Variants in SUCLG2 observed in about 807,000 individuals in gnomAD.
SUCLG2 encodes the protein succinate--CoA ligase [GDP-forming] subunit beta, mitochondrial.
In SUCLG2, 42 loss-of-function variants were observed where a neutral mutation model predicts 47.9. That is an observed-to-expected ratio of 0.88 (90% CI 0.69 to 1.14). The LOEUF (loss-of-function observed/expected upper bound fraction) is 1.14. Among genes scored for constraint, SUCLG2 ranks in the 50% most tolerant of loss-of-function variants. The probability of loss-of-function intolerance (pLI) is 0.00; values close to 1 mark genes in which losing one functional copy is unlikely to be tolerated. For synonymous variants in SUCLG2, 195 were observed against 197.3 expected (o/e 0.99, Z 0.10); for missense variants, 571 against 525.9 (o/e 1.09, Z -0.84).
Position 67,602,729 on chromosome 3 carries a change from G to A in SUCLG2, c.226+6726C>T, listed in dbSNP as rs562708741. Among the ~76,000 whole-genome samples the A allele has an allele frequency of 3.3e-5, 5 of 152,208 alleles. No individual in the cohort carries two copies. In the East Asian group the frequency reaches 7.7e-4, roughly 23 times the overall value. On this transcript the variant is annotated intron_variant, in intron 2 of 10. Transcript: ENST00000307227. The stretch of plus-strand genomic sequence containing the variant: ...GCTCCTTTAAGGAGCATTTGCAAGC[G>A]AGCATGAGCAAGTGAACATTTTCTG...
At chr3:67,393,386 G>C (rs1171452211) in intron 10 of SUCLG2, among the ~76,000 whole-genome samples, 14 of 151,862 alleles carry the variant, frequency 9.2e-5, no homozygotes, top group African/African-American at 2.7e-4. Flanking sequence ...ACATGGCTCA[G>C]AGGGTCCTAC....
intron 1 of SUCLG2, among the ~76,000 whole-genome samples, chr3:67,653,025 G>GT (rs1701315283): frequency 6.6e-6 from 1 of 152,238 alleles, no homozygotes; most frequent in Non-Finnish European, 1.5e-5. Context: ...CAAACCAAGA[G>GT]TATCTCTCCC....
intron 9 of SUCLG2, among the ~76,000 whole-genome samples, chr3:67,485,079 C>T (rs1326479859): frequency 1.3e-5 from 2 of 152,172 alleles, no homozygotes; most frequent in Admixed American, 6.5e-5. Context: ...CTGAAAAACT[C>T]GGAAGGTGCA....
chr3:67,487,497 T>TACACAC lies in SUCLG2; in HGVS notation c.1062+8300_1062+8301insGTGTGT, dbSNP rs780375893. ...CCATTCCCTTGATCTCAAACACACA[T>TACACAC]ATACACACACACACACACACAAACA... On this transcript the variant is annotated intron_variant, in intron 9 of 10. Coordinates refer to ENST00000307227, the MANE Select transcript of SUCLG2 (RefSeq NM_003848.4). Among the ~76,000 whole-genome samples, 9 of 55,070 alleles carry TACACAC rather than the reference T, an allele frequency of 1.6e-4. No homozygotes were observed. In the East Asian group the frequency reaches 1.9e-3, roughly 12 times the overall value. The allele number at this position is 55,070 out of a possible 152,430, so 36.1% of individuals were successfully genotyped here.
At chr3:67,534,752 T>G (rs1235671057) in intron 2 of SUCLG2, among the ~76,000 whole-genome samples, 1 of 84,130 alleles carries the variant, frequency 1.2e-5, no homozygotes, top group East Asian at 4.1e-4. Flanking sequence ...AGGACAGAAC[T>G]CCCTAACACT....
chr3:67,490,015 ATTTTC>A (rs1360400213), intron 9 of SUCLG2, among the ~76,000 whole-genome samples: 1 of 152,074 alleles, frequency 6.6e-6, no homozygotes, highest in African/African-American at 2.4e-5. Context: ...CCAATCCAGT[ATTTTC>A]TTTGCTTTAC....
intron 9 of SUCLG2, among the ~76,000 whole-genome samples, chr3:67,415,322 T>A (rs1006999115): frequency 6.6e-6 from 1 of 152,174 alleles, no homozygotes; most frequent in African/African-American, 2.4e-5. Context: ...ATTGAAGAGT[T>A]ATACAACATG....
intron 9 of SUCLG2, among the ~76,000 whole-genome samples, chr3:67,475,845 T>C (rs1275698193): frequency 6.6e-6 from 1 of 151,916 alleles, no homozygotes; most frequent in Non-Finnish European, 1.5e-5. Context: ...TCAGCCACCA[T>C]GCCCAACAAA....
At chr3:67,363,284 C>T (rs1321741789) in intron 10 of SUCLG2, among the ~76,000 whole-genome samples, 1 of 152,120 alleles carries the variant, frequency 6.6e-6, no homozygotes, top group African/African-American at 2.4e-5. Context: ...TGGTTAGAAC[C>T]TCCATAGTTA....
rs1003696806 is a variant in SUCLG2 at position 67,512,913 on chromosome 3, C to A, written c.661-4010G>T. On this transcript the variant is annotated intron_variant, in intron 6 of 10. Transcript: ENST00000307227. ...TATATATATTTTCACACACACACAC[C>A]CCCCTCTATATATACGCACATATAT... is the stretch of plus-strand genomic sequence containing the variant. 3.1e-4 allele frequency among the ~76,000 whole-genome samples: 46 copies of A among 150,250 alleles called. 1 individual carries two copies. Among genetic ancestry groups the A allele is most frequent in the East Asian group, 2.7e-3 (14 of 5,156 alleles).
intron 1 of SUCLG2, among the ~76,000 whole-genome samples, chr3:67,652,363 G>C (rs1009832069): frequency 6.6e-6 from 1 of 152,160 alleles, no homozygotes; most frequent in Non-Finnish European, 1.5e-5. Context: ...TATAAAATAG[G>C]TCTGGGCCAA....
intron 9 of SUCLG2, among the ~76,000 whole-genome samples, chr3:67,477,599 G>A (rs937578318): frequency 1.6e-4 from 25 of 152,318 alleles, no homozygotes; most frequent in African/African-American, 5.8e-4. Flanking sequence ...GGAGGCTGAG[G>A]CAGGAGAATC....
chr3:67,570,926 T>G (rs951287556), intron 2 of SUCLG2, among the ~76,000 whole-genome samples: 18 of 152,186 alleles, frequency 1.2e-4, no homozygotes, highest in Non-Finnish European at 2.6e-4. Flanking sequence ...GAGGGTGTTT[T>G]GGGGAAACCT....
At chr3:67,523,587 C>T (rs1706177971) in intron 4 of SUCLG2, among the ~76,000 whole-genome samples, 1 of 152,110 alleles carries the variant, frequency 6.6e-6, no homozygotes, top group Non-Finnish European at 1.5e-5. Context: ...ACAGTAACAA[C>T]TTGTCGTTTA....
intron 9 of SUCLG2, among the ~76,000 whole-genome samples, chr3:67,449,914 T>C (rs775998154): frequency 6.6e-6 from 1 of 152,152 alleles, no homozygotes; most frequent in Non-Finnish European, 1.5e-5. Flanking sequence ...CACTCGGCCA[T>C]GCTGAATATT....
intron 9 of SUCLG2, among the ~76,000 whole-genome samples, chr3:67,407,185 G>C (rs1212794738): frequency 6.6e-6 from 1 of 152,076 alleles, no homozygotes; most frequent in Non-Finnish European, 1.5e-5. Flanking sequence ...ACAACAACAA[G>C]CGGTGAGCCA....
chr3:67,390,676 C>T (rs1309150370), intron 10 of SUCLG2, among the ~76,000 whole-genome samples: 4 of 148,842 alleles, frequency 2.7e-5, no homozygotes, highest in African/African-American at 5.0e-5. Context: ...CTTTTTGAAA[C>T]GTATAAAAAC....
intron 1 of SUCLG2, among the ~76,000 whole-genome samples, chr3:67,618,055 A>G (rs1013667531): frequency 1.3e-5 from 2 of 152,196 alleles, no homozygotes; most frequent in African/African-American, 4.8e-5. Flanking sequence ...ATCACTCAAC[A>G]ATCACAGAAA....
At position 67,415,120 on chromosome 3, in the gene SUCLG2, T is replaced by C. The variant is rs879554689; in HGVS notation, c.1063-14269A>G. Reference sequence around the variant, plus strand: ...ATCCTCCTGTTTAGGTCTCCCAAAGTACTGGGATTACAAGCGTGAGCCACC... The same window carrying C: ...ATCCTCCTGTTTAGGTCTCCCAAAGCACTGGGATTACAAGCGTGAGCCACC... On this transcript the variant is annotated intron_variant, in intron 9 of 10. Transcript: ENST00000307227. Among the ~76,000 whole-genome samples, 5 of 152,330 alleles carry C rather than the reference T, an allele frequency of 3.3e-5. 1 individual carries two copies. Among genetic ancestry groups the C allele is most frequent in the Admixed American group, 3.3e-4 (5 of 15,304 alleles).
Sources: allele counts gnomAD v4.1 joint callset (sites outside exome capture counted in the v4.1 genomes callset), GRCh38; gene constraint gnomAD v4.1.1; transcripts MANE v1.5; gene names NCBI Gene and HGNC (gene_info 2026-07-23, HGNC 2026-07-21).